Variants in CORIN observed in about 807,000 individuals in gnomAD.
CORIN encodes the protein corin, serine peptidase.
CORIN carries 117 observed loss-of-function variants against 125.3 expected under a neutral mutation model. That is an observed-to-expected ratio of 0.93 (90% CI 0.80 to 1.09). The LOEUF is 1.09. Among genes scored for constraint, CORIN ranks in the 50% least tolerant of loss-of-function variants. The pLI is 0.00. For missense variants in CORIN, 1,253 were observed against 1,306.7 expected (o/e 0.96, Z 0.63); for synonymous variants, 450 against 466.4 (o/e 0.96, Z 0.45).
intron 17 of CORIN, among the ~76,000 whole-genome samples, chr4:47,625,645 T>G (rs1269618471): frequency 6.6e-6 from 1 of 152,186 alleles, no homozygotes; most frequent in Admixed American, 6.5e-5. Flanking sequence ...TTAAAATTCT[T>G]AAGAAGTAGC....
At chr4:47,705,664 C>T (rs901687768) in intron 5 of CORIN, among the ~76,000 whole-genome samples, 1 of 152,120 alleles carries the variant, frequency 6.6e-6, no homozygotes, top group Non-Finnish European at 1.5e-5. Flanking sequence ...TCCCAAAAGC[C>T]ATAGTCAAAA....
chr4:47,603,885 C>CTT (rs1427735731), intron 19 of CORIN, among the ~76,000 whole-genome samples: 4 of 152,094 alleles, frequency 2.6e-5, no homozygotes, highest in Admixed American at 2.0e-4. Context: ...CTGAATGGGG[C>CTT]TAGTCTTTAA....
chr4:47,669,354 A>C (rs1245304373), intron 10 of CORIN, among the ~76,000 whole-genome samples: 1 of 152,176 alleles, frequency 6.6e-6, no homozygotes, highest in Admixed American at 6.5e-5. Context: ...CTAGCTGCGT[A>C]TATAATAATA....
intron 5 of CORIN, among the ~76,000 whole-genome samples, chr4:47,707,839 G>C (rs1399483254): frequency 6.6e-6 from 1 of 152,182 alleles, no homozygotes; most frequent in Non-Finnish European, 1.5e-5. Context: ...TAAATTACAA[G>C]GGAGTAAGAG....
chr4:47,639,822 G>A (rs1326482344), intron 16 of CORIN, among the ~76,000 whole-genome samples: 1 of 152,190 alleles, frequency 6.6e-6, no homozygotes, highest in Non-Finnish European at 1.5e-5. Flanking sequence ...TGTTCCCTCA[G>A]CAGGAAGATA....
Position 47,744,585 on chromosome 4 carries a change from T to TAA in CORIN, c.618-4_618-3dup, listed in dbSNP as rs372683178. The TAA allele has an allele frequency of 7.1e-4, 928 of 1,304,352 alleles. No individual in the cohort carries two copies. Among genetic ancestry groups the TAA allele is most frequent in the South Asian group, 1.2e-3 (78 of 66,886 alleles). The allele number at this position is 1,304,352 out of a possible 1,614,324, so 80.8% of individuals were successfully genotyped here. A position where few individuals can be genotyped will look rare whatever the true frequency, so the allele number is the denominator to read the frequency against. On this transcript the variant is annotated splice_polypyrimidine_tract_variant and splice_region_variant and intron_variant, in intron 4 of 21. Transcript: ENST00000273857. ...GACCTACAGGGCAGGAGTCCATGACTAAAAAAAAAAAAAGAGAAAGGTGAA... is the reference window on the plus strand; with the variant it reads ...GACCTACAGGGCAGGAGTCCATGACTAAAAAAAAAAAAAAAGAGAAAGGTGAA...
intron 5 of CORIN, among the ~76,000 whole-genome samples, chr4:47,700,558 C>T (rs536441407): frequency 4.5e-4 from 68 of 152,298 alleles, no homozygotes; most frequent in African/African-American, 1.5e-3. Flanking sequence ...CCTGGAAGAA[C>T]GAAGGAAGGA....
At chr4:47,601,757 A>G (rs1721456753) in intron 20 of CORIN, among the ~76,000 whole-genome samples, 1 of 152,178 alleles carries the variant, frequency 6.6e-6, no homozygotes, top group African/African-American at 2.4e-5. Flanking sequence ...CATGTCTAAC[A>G]TTGCCTTCAA....
rs567030692 is a variant in CORIN, at chr4:47,797,677, CTA to C, written c.208+9224_208+9225del. On this transcript the variant is annotated intron_variant, in intron 2 of 21. Transcript: ENST00000273857. ...TAATTGTTACTTGGGTATAATATGA[CTA>C]TTTATTAAAATAATTATCTGATGAT... is the stretch of plus-strand genomic sequence containing the variant. 4.9e-3 allele frequency among the ~76,000 whole-genome samples: 749 copies of C among 152,084 alleles called. 8 individuals carry two copies. Among genetic ancestry groups the C allele is most frequent in the African/African-American group, 0.017 (716 of 41,526 alleles).
intron 12 of CORIN, among the ~76,000 whole-genome samples, chr4:47,659,471 C>T (rs1439815519): frequency 1.3e-5 from 2 of 152,168 alleles, no homozygotes; most frequent in Admixed American, 6.5e-5. Flanking sequence ...ATGGTGAAGA[C>T]ATCTGCTCAG....
At position 47,641,914 on chromosome 4, in the gene CORIN, C is replaced by A. The variant is rs577151724; in HGVS notation, c.2198+6G>T. Reference sequence around the variant, plus strand: ...ATTCATCAGTGCTACAAACTACTGACCTTACCCTAAACCCATCTGCTTGCA... The same window carrying A: ...ATTCATCAGTGCTACAAACTACTGAACTTACCCTAAACCCATCTGCTTGCA... On this transcript the variant is annotated splice_donor_region_variant and intron_variant, in intron 16 of 21. Coordinates refer to ENST00000273857, the MANE Select transcript of CORIN (RefSeq NM_006587.4). 8.1e-6 allele frequency: 13 copies of A among 1,612,568 alleles called. No homozygotes were observed. The East Asian group carries it at 2.7e-4, about 33-fold the overall frequency.
chr4:47,833,138 G>A (rs1733142837), intron 1 of CORIN, among the ~76,000 whole-genome samples: 2 of 150,468 alleles, frequency 1.3e-5, no homozygotes, highest in South Asian at 4.2e-4. Flanking sequence ...AAAAGCTAGA[G>A]GTATCATACG....
intron 1 of CORIN, among the ~76,000 whole-genome samples, chr4:47,816,937 GT>G (rs1167533796): frequency 1.3e-5 from 2 of 151,968 alleles, no homozygotes; most frequent in Non-Finnish European, 2.9e-5. Flanking sequence ...GCCTTCCCTA[GT>G]TGAGAACCAC....
intron 19 of CORIN, among the ~76,000 whole-genome samples, chr4:47,606,803 A>G (rs1166060212): frequency 6.6e-6 from 1 of 151,236 alleles, no homozygotes; most frequent in Non-Finnish European, 1.5e-5. Flanking sequence ...CTTTTTCACT[A>G]AACAGTAATA....
chr4:47,767,176 G>T (rs1387336318), intron 3 of CORIN, among the ~76,000 whole-genome samples: 2 of 152,076 alleles, frequency 1.3e-5, no homozygotes, highest in Admixed American at 1.3e-4. Flanking sequence ...TGTGGAAGAG[G>T]ATGAAGTCAA....
intron 16 of CORIN, among the ~76,000 whole-genome samples, chr4:47,628,915 G>A (rs1282667706): frequency 6.6e-6 from 1 of 151,960 alleles, no homozygotes; most frequent in Non-Finnish European, 1.5e-5. Context: ...AGAAAATGTG[G>A]CATCACATTT....
At position 47,637,926 on chromosome 4, in the gene CORIN, G is replaced by A. The variant is rs146545638; in HGVS notation, c.2198+3994C>T. On this transcript the variant is annotated intron_variant, in intron 16 of 21. Coordinates refer to ENST00000273857, the MANE Select transcript of CORIN (RefSeq NM_006587.4). Reference sequence around the variant, plus strand: ...CTTGCACCATATGCCTGGAAAAGCCGCAGACACTCTATGCCAGCTCATGAA... The same window carrying A: ...CTTGCACCATATGCCTGGAAAAGCCACAGACACTCTATGCCAGCTCATGAA... Among the ~76,000 whole-genome samples the A allele has an allele frequency of 6.8e-3, 1,030 of 152,272 alleles. 9 individuals are homozygous for A. The highest frequency in any genetic ancestry group is 0.011 in the African/African-American group (472 of 41,560).
At chr4:47,623,517 G>C (rs965612395) in intron 19 of CORIN, 54 bp downstream of exon 19, 3 of 1,570,738 alleles carry the variant, frequency 1.9e-6, no homozygotes, top group Admixed American at 1.7e-5. Context: ...GAGAATTCCC[G>C]AGTGACAAAG....
At chr4:47,702,905 T>A (rs1420882055) in intron 5 of CORIN, among the ~76,000 whole-genome samples, 1 of 152,176 alleles carries the variant, frequency 6.6e-6, no homozygotes, top group Non-Finnish European at 1.5e-5. Flanking sequence ...TTTCAAAGCA[T>A]TAGCATTCTT....
Sources: gnomAD v4.1 joint callset for allele counts (sites outside exome capture counted in the v4.1 genomes callset) on GRCh38, gnomAD v4.1.1 for gene constraint, MANE v1.5 for transcripts, NCBI Gene and HGNC (gene_info 2026-07-23, HGNC 2026-07-21) for gene names.